Variants in CPZ observed in about 807,000 individuals in gnomAD.
The protein encoded by CPZ is VEZT/CPZ fusion.
Under a neutral mutation model 61.8 loss-of-function variants are expected in CPZ, and 103 were observed. The observed-to-expected ratio is 1.67, with a 90% CI of 1.42 to 1.96. The LOEUF is 1.96. CPZ is among the 30% of genes most tolerant of loss of function. CPZ has a pLI of 0.00. For missense variants in CPZ, 1,461 were observed against 914.9 expected (o/e 1.60, Z -7.70); for synonymous variants, 551 against 373.7 (o/e 1.47, Z -5.47).
intron 9 of CPZ, chr4:8,618,133 A>C: frequency 2.6e-6 from 1 of 388,670 alleles, no homozygotes; most frequent in South Asian, 2.7e-5. Flanking sequence ...GTGGCAGGAA[A>C]GGGTTCTCTG....
chr4:8,610,244 T>C (rs559753710), intron 7 of CPZ, among the ~76,000 whole-genome samples: 3 of 152,328 alleles, frequency 2.0e-5, no homozygotes, highest in Admixed American at 2.0e-4. Flanking sequence ...TCCTTGCCCA[T>C]GTGCGCCCAG....
chr4:8,595,497 C>T (rs928123707), intron 1 of CPZ, among the ~76,000 whole-genome samples: 1 of 152,192 alleles, frequency 6.6e-6, no homozygotes, highest in African/African-American at 2.4e-5. Flanking sequence ...GGCCCACCCC[C>T]GTGTGGTAAG....
At chr4:8,605,928 T>G in intron 4 of CPZ, 61 bp from the exon 5 acceptor site, 1 of 1,543,588 alleles carries the variant, frequency 6.5e-7, no homozygotes, top group Non-Finnish European at 8.9e-7. Flanking sequence ...TGGGGGGGCC[T>G]CATGCCTTTG....
chr4:8,605,892 C>T (rs1714951001), intron 4 of CPZ, 97 bp from the exon 5 acceptor site: 6 of 1,229,566 alleles, frequency 4.9e-6, no homozygotes, highest in Non-Finnish European at 6.9e-6. Context: ...GAATTGGTCC[C>T]AGCCCATCTG....
rs1288975025 is a variant in CPZ at position 8,618,494 on chromosome 4, C to G, written c.1569C>G (p.Ile523Met). 3 of 1,614,146 alleles carry G rather than the reference C, an allele frequency of 1.9e-6. No homozygotes were observed. Among genetic ancestry groups the G allele is most frequent in the Non-Finnish European group, 1.7e-6 (2 of 1,180,038 alleles). ...KFGKPVKNAR[I>M]SVKGIRHDIT... ...GCAAGCCAGTCAAAAACGCCCGGAT[C>G]TCAGTCAAAGGCATTCGCCACGACA... Residue 523 changes from isoleucine (I) to methionine (M), a missense_variant, in exon 10 of 11, where the codon ATC becomes ATG. Coordinates refer to ENST00000360986, the MANE Select transcript of CPZ (RefSeq NM_001014447.3).
chr4:8,595,634 T>C (rs971066984), intron 1 of CPZ, among the ~76,000 whole-genome samples: 2 of 152,212 alleles, frequency 1.3e-5, no homozygotes, highest in Admixed American at 1.3e-4. Flanking sequence ...CCTGACTCTC[T>C]TGTGGCCACA....
chr4:8,605,761 T>C (rs1433724398), intron 4 of CPZ, among the ~76,000 whole-genome samples: 2 of 152,014 alleles, frequency 1.3e-5, no homozygotes, highest in African/African-American at 4.8e-5. Context: ...ACATATATTA[T>C]TCATATTCTT....
chr4:8,611,205 G>A (rs1177008145), intron 7 of CPZ: 1 of 456,012 alleles, frequency 2.2e-6, no homozygotes, highest in Non-Finnish European at 4.4e-6. Context: ...GCTTGGTGGG[G>A]CCCTGATGAG....
At chr4:8,616,778 C>T (rs1474325553) in intron 9 of CPZ, among the ~76,000 whole-genome samples, 1 of 152,192 alleles carries the variant, frequency 6.6e-6, no homozygotes, top group Non-Finnish European at 1.5e-5. Context: ...TTTTTATGCT[C>T]TCCCTCCCGC....
At chr4:8,597,906 C>G (rs1714298293) in intron 1 of CPZ, among the ~76,000 whole-genome samples, 1 of 152,190 alleles carries the variant, frequency 6.6e-6, no homozygotes, top group Non-Finnish European at 1.5e-5. Flanking sequence ...TTGCCCGGGG[C>G]CCCCGGCTGT....
At chr4:8,605,878 G>A in intron 4 of CPZ, 111 bp from the exon 5 acceptor site, 3 of 1,056,024 alleles carry the variant, frequency 2.8e-6, no homozygotes, top group South Asian at 3.2e-5. Flanking sequence ...GTCAAAACAA[G>A]TATGAATTGG....
chr4:8,598,257 G>T (rs1401421349), intron 1 of CPZ, among the ~76,000 whole-genome samples: 1 of 152,188 alleles, frequency 6.6e-6, no homozygotes, highest in Non-Finnish European at 1.5e-5. Context: ...AGTCCCCAGT[G>T]GGGAAACCCA....
intron 1 of CPZ, among the ~76,000 whole-genome samples, chr4:8,593,894 C>T (rs1014738231): frequency 1.3e-5 from 2 of 152,184 alleles, no homozygotes; most frequent in Non-Finnish European, 2.9e-5. Context: ...CGTGTGTGCT[C>T]ATGCAGGTGT....
At chr4:8,607,482 G>T in intron 7 of CPZ, 57 bp downstream of exon 7, 7 of 1,575,928 alleles carry the variant, frequency 4.4e-6, no homozygotes, top group Non-Finnish European at 6.0e-6. Flanking sequence ...GGTCCCCTTG[G>T]AGCTGGTGCC....
chr4:8,606,415 G>A (rs1372682315), intron 5 of CPZ, among the ~76,000 whole-genome samples: 4 of 152,172 alleles, frequency 2.6e-5, no homozygotes, highest in Non-Finnish European at 5.9e-5. Flanking sequence ...GAAAATGATG[G>A]AAAGGGAGTC....
chr4:8,617,081 G>A (rs1281585856), intron 9 of CPZ, among the ~76,000 whole-genome samples: 1 of 152,242 alleles, frequency 6.6e-6, no homozygotes, highest in African/African-American at 2.4e-5. Flanking sequence ...ACTGACAGCT[G>A]GGCGTGAGCC....
At chr4:8,606,987 G>T in intron 6 of CPZ, 89 bp downstream of exon 6, 1 of 1,425,054 alleles carries the variant, frequency 7.0e-7, no homozygotes, top group Non-Finnish European at 9.4e-7. Context: ...TCCTTCCCTG[G>T]GGACAGGAGA....
chr4:8,602,589 G>A (rs1389188106), intron 3 of CPZ: 2 of 152,294 alleles, frequency 1.3e-5, no homozygotes, highest in African/African-American at 4.8e-5. Context: ...CTTGCTCCAT[G>A]GAAGAGGAAG....
intron 2 of CPZ, 39 bp from the exon 3 acceptor site, chr4:8,601,084 A>G (rs1252770413): frequency 6.5e-7 from 1 of 1,528,840 alleles, no homozygotes; most frequent in Non-Finnish European, 8.8e-7. Context: ...GGTCAGGGCC[A>G]CTGCAGGAGG....
Sources: allele counts gnomAD v4.1 joint callset (sites outside exome capture counted in the v4.1 genomes callset), GRCh38; gene constraint gnomAD v4.1.1; transcripts MANE v1.5; gene names NCBI Gene and HGNC (gene_info 2026-07-23, HGNC 2026-07-21).